Variants in ARFGEF1 observed in about 807,000 individuals in gnomAD.
The protein encoded by ARFGEF1 is ARF guanine nucleotide exchange factor 1.
ARFGEF1 carries 42 observed loss-of-function variants against 231.0 expected under a neutral mutation model. The ratio of observed to expected loss-of-function variants is 0.18; its 90% confidence interval spans 0.14 to 0.24. The LOEUF (loss-of-function observed/expected upper bound fraction) is 0.24. Among genes scored for constraint, ARFGEF1 ranks in the 10% least tolerant of loss-of-function variants. The pLI is 1.00. For missense variants in ARFGEF1, 1,345 were observed against 2,192.0 expected (o/e 0.61, Z 7.72); for synonymous variants, 710 against 732.3 (o/e 0.97, Z 0.49).
chr8:67,334,515 C>G (rs1485991804), intron 1 of ARFGEF1, among the ~76,000 whole-genome samples: 1 of 152,164 alleles, frequency 6.6e-6, no homozygotes, highest in African/African-American at 2.4e-5. Context: ...AAGAATTTAG[C>G]AGTTTCTTAA....
intron 1 of ARFGEF1, among the ~76,000 whole-genome samples, chr8:67,328,042 GAA>G (rs1384480491): frequency 1.3e-5 from 2 of 152,200 alleles, no homozygotes; most frequent in East Asian, 3.9e-4. Flanking sequence ...GGGGGTGAAA[GAA>G]AGGGGTGGAG....
intron 22 of ARFGEF1, among the ~76,000 whole-genome samples, chr8:67,236,487 T>C (rs938593451): frequency 1.4e-5 from 2 of 146,946 alleles, no homozygotes; most frequent in Non-Finnish European, 3.0e-5. Context: ...GATGACAACA[T>C]TCTGCTCCAG....
chr8:67,215,482 C>T (rs1023642681), intron 33 of ARFGEF1, among the ~76,000 whole-genome samples: 4 of 152,084 alleles, frequency 2.6e-5, no homozygotes, highest in African/African-American at 7.2e-5. Context: ...ATGTAATTAA[C>T]GATCTTGAGA....
intron 22 of ARFGEF1, among the ~76,000 whole-genome samples, chr8:67,234,637 A>G (rs1328385550): frequency 6.6e-6 from 1 of 152,146 alleles, no homozygotes; most frequent in African/African-American, 2.4e-5. Flanking sequence ...GAAAAGACAG[A>G]CTAGAAAAAA....
chr8:67,290,056 G>A lies in ARFGEF1; in HGVS notation c.916+1791C>T, dbSNP rs143051382. Among the ~76,000 whole-genome samples the A allele has an allele frequency of 6.6e-5, 10 of 152,250 alleles. No individual in the cohort carries two copies. In the East Asian group the frequency reaches 1.2e-3, roughly 18 times the overall value. ...AGTTAACTATTATGTCCAAAGTCAC[G>A]CAGCTGGTAAGTGACAGAGGTGTGC... On this transcript the variant is annotated intron_variant, in intron 6 of 38. Coordinates refer to ENST00000262215, the MANE Select transcript of ARFGEF1 (RefSeq NM_006421.5).
chr8:67,228,281 A>C lies in ARFGEF1; in HGVS notation c.3381-17T>G. Reference sequence around the variant, plus strand: ...GTGAATATTCTAGGGAAAATAAAACACAATTTAAAAAATTTATAAGTTACT... The same window carrying C: ...GTGAATATTCTAGGGAAAATAAAACCCAATTTAAAAAATTTATAAGTTACT... On this transcript the variant is annotated splice_polypyrimidine_tract_variant and intron_variant, in intron 23 of 38. Transcript: ENST00000262215. The C allele has an allele frequency of 6.3e-7, 1 of 1,597,552 alleles. No individual in the cohort carries two copies. The highest frequency in any genetic ancestry group is 8.6e-7 in the Non-Finnish European group (1 of 1,168,884).
In ARFGEF1 at chr8:67,217,904, C is replaced by T. The variant is rs769048042; in HGVS notation, c.4491G>A (p.Ala1497=). Residue 1497 remains alanine, a synonymous_variant, in exon 32 of 39, where the codon GCG becomes GCA. Transcript: ENST00000262215. ...WCVQQDNEQL[A]RSGTNCLENV... ...TCTCTAAACAGTTTGTACCAGATCG[C>T]GCTAACTGCTCATTGTCTAGGAAAG... is the stretch of plus-strand genomic sequence containing the variant. 2.2e-5 allele frequency: 36 copies of T among 1,613,536 alleles called. No individual in the cohort carries two copies. Among genetic ancestry groups the T allele is most frequent in the African/African-American group, 1.2e-4 (9 of 74,840 alleles).
intron 33 of ARFGEF1, among the ~76,000 whole-genome samples, chr8:67,215,550 A>C (rs1386030867): frequency 6.6e-6 from 1 of 152,220 alleles, no homozygotes; most frequent in Non-Finnish European, 1.5e-5. Context: ...TCTTCATAAA[A>C]CAAAAAGGAG....
At chr8:67,343,100 C>G (rs916103925) in intron 1 of ARFGEF1, 64 bp downstream of exon 1, 5 of 565,422 alleles carry the variant, frequency 8.8e-6, no homozygotes, top group African/African-American at 5.8e-5. Flanking sequence ...CCCACCCCCC[C>G]ACAGGCGCCC....
At chr8:67,225,540 C>A (rs942313740) in intron 28 of ARFGEF1, among the ~76,000 whole-genome samples, 1 of 152,162 alleles carries the variant, frequency 6.6e-6, no homozygotes, top group South Asian at 2.1e-4. Flanking sequence ...AATATGGCAG[C>A]TAGATTTTCA....
intron 1 of ARFGEF1, among the ~76,000 whole-genome samples, chr8:67,338,780 C>T (rs576565594): frequency 3.3e-4 from 50 of 152,338 alleles, no homozygotes; most frequent in African/African-American, 1.1e-3. Context: ...GCCTGGCTTA[C>T]TGAAAACACC....
chr8:67,317,322 T>G (rs1392574036), intron 1 of ARFGEF1, among the ~76,000 whole-genome samples: 1 of 152,188 alleles, frequency 6.6e-6, no homozygotes, highest in African/African-American at 2.4e-5. Flanking sequence ...TCAGAAGTGC[T>G]TGTGGTCTGG....
At chr8:67,185,511 C>T (rs1367515165) in intron 5 of ARFGEF1, among the ~76,000 whole-genome samples, 3 of 152,098 alleles carry the variant, frequency 2.0e-5, no homozygotes, top group Admixed American at 6.5e-5. Flanking sequence ...CAATGGTTTC[C>T]CTTGGGGGCT....
chr8:67,272,613 A>G (rs1805143277), intron 9 of ARFGEF1, among the ~76,000 whole-genome samples: 1 of 152,186 alleles, frequency 6.6e-6, no homozygotes, highest in Non-Finnish European at 1.5e-5. Flanking sequence ...TCAACTTGTC[A>G]GATTAAATGC....
intron 6 of ARFGEF1, among the ~76,000 whole-genome samples, chr8:67,289,396 A>T (rs1805902419): frequency 6.6e-6 from 1 of 151,972 alleles, no homozygotes. Context: ...GCTACAAAAA[A>T]TTTAAATATT....
chr8:67,195,302 T>G (rs1473214853), downstream of ARFGEF1: 3 of 857,548 alleles, frequency 3.5e-6, no homozygotes, highest in Non-Finnish European at 6.1e-6. Flanking sequence ...TTGTAATGAG[T>G]TGGACTACAA....
chr8:67,331,794 A>T lies in ARFGEF1; in HGVS notation c.124+11370T>A, dbSNP rs1029337656. On this transcript the variant is annotated intron_variant, in intron 1 of 38. Transcript: ENST00000262215. ...AACACTGATCAAAACCAATAAATCT[A>T]AAGACAGCAAATTCTCTGTCTTGTC... Among the ~76,000 whole-genome samples the T allele has an allele frequency of 1.8e-4, 28 of 152,170 alleles. 1 individual carries two copies. The highest frequency in any genetic ancestry group is 1.5e-5 in the Non-Finnish European group (1 of 68,022).
chr8:67,190,105 T>C (rs190918577), intron 5 of ARFGEF1, among the ~76,000 whole-genome samples: 124 of 152,286 alleles, frequency 8.1e-4, no homozygotes, highest in Non-Finnish European at 2.8e-4. Flanking sequence ...TGAGAAGATA[T>C]GTCCACACAC....
chr8:67,218,207 A>AAAAAATATATATATATAT (rs1491555936), intron 30 of ARFGEF1, 69 bp from the exon 31 acceptor site: 2 of 90,836 alleles, frequency 2.2e-5, no homozygotes, highest in African/African-American at 1.4e-4. Context: ...AAAAAAAAAA[A>AAAAAATATATATATATAT]ATATATATAT....
Sources: allele counts gnomAD v4.1 joint callset (sites outside exome capture counted in the v4.1 genomes callset), GRCh38; gene constraint gnomAD v4.1.1; transcripts MANE v1.5; gene names NCBI Gene and HGNC (gene_info 2026-07-23, HGNC 2026-07-21).